XPR1: variants seen among roughly 807,000 people sequenced by gnomAD.
XPR1 encodes the protein xenotropic and polytropic retrovirus receptor 1.
In XPR1, 28 loss-of-function variants were observed where a neutral mutation model predicts 87.5. The ratio of observed to expected loss-of-function variants is 0.32; its 90% CI spans 0.24 to 0.44. The LOEUF is 0.44. Ranked by LOEUF, XPR1 falls within the 20% of genes least tolerant of loss-of-function variation. XPR1 has a pLI of 1.00. For synonymous variants in XPR1, 300 were observed against 306.1 expected (o/e 0.98, Z 0.21); for missense variants, 559 against 862.3 (o/e 0.65, Z 4.41).
intron 11 of XPR1, among the ~76,000 whole-genome samples, chr1:180,853,603 G>C (rs1420359480): frequency 2.0e-5 from 3 of 147,866 alleles, no homozygotes; most frequent in Non-Finnish European, 4.5e-5. Flanking sequence ...TGGACAGTTT[G>C]GGTATTTTGT....
intron 1 of XPR1, among the ~76,000 whole-genome samples, chr1:180,650,401 C>T (rs1342800692): frequency 1.3e-5 from 2 of 152,054 alleles, no homozygotes; most frequent in African/African-American, 2.4e-5. Flanking sequence ...ATGCCTGGCT[C>T]CCCACACAAT....
intron 2 of XPR1, among the ~76,000 whole-genome samples, chr1:180,761,698 T>C (rs1648038501): frequency 6.6e-6 from 1 of 152,182 alleles, no homozygotes. Context: ...TCAACCCTTG[T>C]GGAAGTCAGT....
rs1294857068 is a variant in XPR1 at position 180,806,699 on chromosome 1, A to G, written c.681+142A>G. On this transcript the variant is annotated intron_variant, in intron 6 of 14. Transcript: ENST00000367590. ...TTTTTCTTATTTTAGTTTTTTAAAC[A>G]TTATATGCTATATTTTACTTCATTC... is the stretch of plus-strand genomic sequence containing the variant. 4 of 578,008 alleles carry G rather than the reference A, an allele frequency of 6.9e-6. No homozygotes were observed. The African/African-American group carries it at 7.4e-5, about 11-fold the overall frequency. The allele number at this position is 578,008 out of a possible 1,614,324, so 35.8% of individuals were successfully genotyped here.
At chr1:180,856,461 C>T (rs1652036903) in intron 11 of XPR1, among the ~76,000 whole-genome samples, 1 of 152,098 alleles carries the variant, frequency 6.6e-6, no homozygotes, top group Non-Finnish European at 1.5e-5. Flanking sequence ...TGTGTGACTC[C>T]CCAGTCTGTA....
At chr1:180,837,813 C>T (rs1049561622) in intron 11 of XPR1, among the ~76,000 whole-genome samples, 2 of 152,094 alleles carry the variant, frequency 1.3e-5, no homozygotes, top group Admixed American at 6.6e-5. Context: ...AGGCATATAT[C>T]ATAATTCAGG....
chr1:180,798,245 A>T (rs1193972509), intron 3 of XPR1, among the ~76,000 whole-genome samples: 1 of 151,902 alleles, frequency 6.6e-6, no homozygotes, highest in East Asian at 1.9e-4. Flanking sequence ...TTGACTAGGC[A>T]TTTTTTTTAA....
At chr1:180,794,676 A>G (rs1034499743) in intron 3 of XPR1, among the ~76,000 whole-genome samples, 5 of 152,226 alleles carry the variant, frequency 3.3e-5, no homozygotes, top group Non-Finnish European at 5.9e-5. Flanking sequence ...ATGTGTAGGC[A>G]TTAGCCAAAT....
intron 7 of XPR1, 45 bp from the exon 8 acceptor site, chr1:180,824,708 A>C (rs1379746557): frequency 6.8e-7 from 1 of 1,466,920 alleles, no homozygotes; most frequent in Non-Finnish European, 9.3e-7. Flanking sequence ...AATTCAAGGG[A>C]AGTTATGAAT....
intron 11 of XPR1, among the ~76,000 whole-genome samples, chr1:180,846,527 T>C (rs113931916): frequency 0.043 from 6,511 of 151,666 alleles, 503 homozygotes; most frequent in African/African-American, 0.15. Flanking sequence ...CTGCAACCTC[T>C]GCCTCCCAGG....
rs1557970911 is a variant in XPR1, at chr1:180,714,405, CG to C, written c.121+31995del. Among the ~76,000 whole-genome samples the C allele has an allele frequency of 4.1e-3, 493 of 119,796 alleles. 1 individual carries two copies. The highest frequency in any genetic ancestry group is 8.1e-3 in the African/African-American group (251 of 30,922). The allele number at this position is 119,796 out of a possible 152,430, so 78.6% of individuals were successfully genotyped here. On this transcript the variant is annotated intron_variant, in intron 2 of 14. Transcript: ENST00000367590. ...TCTCTCTCTCTCTCTCTCTCTCTGT[CG>C]TCTGTCTGTCTGTCTGTCTGTCTCG...
chr1:180,721,135 C>T (rs1029882200), intron 2 of XPR1, among the ~76,000 whole-genome samples: 1 of 151,458 alleles, frequency 6.6e-6, no homozygotes, highest in Non-Finnish European at 1.5e-5. Flanking sequence ...GCAGGAGAAT[C>T]GCTTGAACCC....
At chr1:180,857,965 C>G (rs1272722176) in intron 11 of XPR1, among the ~76,000 whole-genome samples, 2 of 152,028 alleles carry the variant, frequency 1.3e-5, no homozygotes, top group Non-Finnish European at 2.9e-5. Context: ...ACCTGTAATC[C>G]CAGCACTTTG....
intron 2 of XPR1, among the ~76,000 whole-genome samples, chr1:180,687,841 G>A (rs1392156578): frequency 1.3e-5 from 2 of 151,338 alleles, no homozygotes; most frequent in Admixed American, 1.3e-4. Flanking sequence ...CAATATATAT[G>A]TAAATATATA....
At chr1:180,726,868 T>C (rs552368351) in intron 2 of XPR1, among the ~76,000 whole-genome samples, 2 of 151,798 alleles carry the variant, frequency 1.3e-5, no homozygotes, top group African/African-American at 4.9e-5. Context: ...TTTAAATGTA[T>C]GTTTTCTTTC....
intron 11 of XPR1, among the ~76,000 whole-genome samples, chr1:180,841,359 C>T (rs1651508015): frequency 6.6e-6 from 1 of 150,594 alleles, no homozygotes. Flanking sequence ...CAGTTCTATT[C>T]TTCAGCCTAG....
At chr1:180,753,600 T>C (rs1557990406) in intron 2 of XPR1, among the ~76,000 whole-genome samples, 3 of 152,090 alleles carry the variant, frequency 2.0e-5, no homozygotes, top group African/African-American at 7.2e-5. Flanking sequence ...ACTATCACTT[T>C]AGTTGCATTA....
At chr1:180,743,283 T>G (rs906583158) in intron 2 of XPR1, among the ~76,000 whole-genome samples, 2 of 151,960 alleles carry the variant, frequency 1.3e-5, no homozygotes, top group Non-Finnish European at 2.9e-5. Flanking sequence ...TTTTTTCTTG[T>G]ATCTGTTTCT....
chr1:180,873,477 T>TC (rs1161984193), intron 12 of XPR1, among the ~76,000 whole-genome samples: 1 of 152,202 alleles, frequency 6.6e-6, no homozygotes, highest in Non-Finnish European at 1.5e-5. Context: ...TCTCAATCAA[T>TC]CAAGGATCTT....
chr1:180,863,628 G>A lies in XPR1; in HGVS notation c.1502-80G>A, dbSNP rs898836704. ...TCTTATGGAGCTATTTTAAGAATCT[G>A]TTTTAATTAGTGTTATTAATGAAAA... On this transcript the variant is annotated intron_variant, in intron 11 of 14. Transcript: ENST00000367590. 1.1e-5 allele frequency: 14 copies of A among 1,292,838 alleles called. No individual in the cohort carries two copies. The African/African-American group carries it at 1.9e-4, about 18-fold the overall frequency. The allele number at this position is 1,292,838 out of a possible 1,614,324, so 80.1% of individuals were successfully genotyped here.
Sources: gnomAD v4.1 joint callset for allele counts (sites outside exome capture counted in the v4.1 genomes callset) on GRCh38, gnomAD v4.1.1 for gene constraint, MANE v1.5 for transcripts, NCBI Gene and HGNC (gene_info 2026-07-23, HGNC 2026-07-21) for gene names.